The following LDLRAD3 variants were observed in gnomAD, a reference collection of about 807,000 sequenced individuals.
LDLRAD3 encodes low-density lipoprotein receptor class A domain-containing protein 3.
In LDLRAD3, 20 loss-of-function variants were observed where a neutral mutation model predicts 29.4. That is an observed-to-expected ratio of 0.68 (90% CI 0.48 to 0.99). The LOEUF (loss-of-function observed/expected upper bound fraction) is 0.99. Among genes scored for constraint, LDLRAD3 ranks in the 50% least tolerant of loss-of-function variants. The probability of loss-of-function intolerance (pLI) is 0.00; values close to 1 mark genes in which losing one functional copy is unlikely to be tolerated. For missense variants in LDLRAD3, 420 were observed against 454.3 expected (o/e 0.92, Z 0.69); for synonymous variants, 157 against 192.7 (o/e 0.81, Z 1.53).
intron 2 of LDLRAD3, among the ~76,000 whole-genome samples, chr11:36,043,324 A>C (rs917922013): frequency 3.3e-5 from 5 of 152,178 alleles, no homozygotes; most frequent in Non-Finnish European, 7.3e-5. Flanking sequence ...AACAAACCCC[A>C]AAAATTATTA....
chr11:36,224,933 G>A (rs1441093389), intron 4 of LDLRAD3, among the ~76,000 whole-genome samples: 1 of 152,140 alleles, frequency 6.6e-6, no homozygotes, highest in Non-Finnish European at 1.5e-5. Context: ...TTGCTTATCT[G>A]AAAAATAGCA....
At chr11:35,998,399 G>GAT (rs1163544829) in intron 1 of LDLRAD3, among the ~76,000 whole-genome samples, 1 of 152,156 alleles carries the variant, frequency 6.6e-6, no homozygotes, top group Non-Finnish European at 1.5e-5. Context: ...TTTAATTCTA[G>GAT]ATTGATTCTC....
chr11:36,144,479 G>A (rs1854140145), intron 4 of LDLRAD3, among the ~76,000 whole-genome samples: 1 of 150,988 alleles, frequency 6.6e-6, no homozygotes, highest in African/African-American at 2.4e-5. Flanking sequence ...CATCTAGGAA[G>A]TGAGGAGCGT....
chr11:36,133,215 T>TTTTTTTTA (rs1554967263), intron 4 of LDLRAD3, among the ~76,000 whole-genome samples: 3 of 151,542 alleles, frequency 2.0e-5, no homozygotes, highest in African/African-American at 2.4e-5. Flanking sequence ...TTCTTTTTTT[T>TTTTTTTTA]AGTTGAGATG....
chr11:36,191,576 C>CTCTCTA (rs377747518), intron 4 of LDLRAD3, among the ~76,000 whole-genome samples: 303 of 53,298 alleles, frequency 5.7e-3, no homozygotes, highest in East Asian at 6.9e-3. Context: ...CTCTCTCTCT[C>CTCTCTA]TATATATATA....
At chr11:36,080,352 G>C (rs1853094820) in intron 2 of LDLRAD3, among the ~76,000 whole-genome samples, 1 of 152,230 alleles carries the variant, frequency 6.6e-6, no homozygotes, top group East Asian at 1.9e-4. Flanking sequence ...TTAAGCCCAA[G>C]TTACAGCAGT....
chr11:36,165,603 C>G (rs1854501882), intron 4 of LDLRAD3, among the ~76,000 whole-genome samples: 1 of 152,106 alleles, frequency 6.6e-6, no homozygotes, highest in Admixed American at 6.6e-5. Flanking sequence ...CAGCTCCCTT[C>G]TAAGTGTTGA....
At chr11:36,042,684 A>G (rs1422577288) in intron 2 of LDLRAD3, among the ~76,000 whole-genome samples, 1 of 152,232 alleles carries the variant, frequency 6.6e-6, no homozygotes, top group East Asian at 1.9e-4. Flanking sequence ...CCAAGTAAAA[A>G]TGAAGTTGTT....
intron 2 of LDLRAD3, among the ~76,000 whole-genome samples, chr11:36,063,742 C>T (rs1208586330): frequency 6.6e-6 from 1 of 152,194 alleles, no homozygotes; most frequent in Non-Finnish European, 1.5e-5. Context: ...TGTTTCTAGA[C>T]ACTCAATTTT....
At chr11:36,044,820 T>C (rs1852426501) in intron 2 of LDLRAD3, among the ~76,000 whole-genome samples, 1 of 152,244 alleles carries the variant, frequency 6.6e-6, no homozygotes, top group Non-Finnish European at 1.5e-5. Flanking sequence ...ACCTATGTCT[T>C]AATGGACCTG....
intron 1 of LDLRAD3, among the ~76,000 whole-genome samples, chr11:35,953,438 G>A (rs1389583006): frequency 1.3e-5 from 2 of 152,132 alleles, no homozygotes; most frequent in Admixed American, 6.5e-5. Context: ...AAGCATAAAG[G>A]GTGTTTAATT....
At chr11:36,199,585 A>ACACACACACACACG (rs771281624) in intron 4 of LDLRAD3, among the ~76,000 whole-genome samples, 3 of 150,470 alleles carry the variant, frequency 2.0e-5, no homozygotes, top group Admixed American at 2.0e-4. Flanking sequence ...ACACACACAC[A>ACACACACACACACG]CACGCACGCA....
At chr11:36,209,962 A>G (rs1170981557) in intron 4 of LDLRAD3, among the ~76,000 whole-genome samples, 2 of 152,256 alleles carry the variant, frequency 1.3e-5, no homozygotes, top group Non-Finnish European at 2.9e-5. Flanking sequence ...GGGGAGGGGA[A>G]GCCCATGGCT....
rs1215679366 is a variant in LDLRAD3, at chr11:36,213,657, C to G, written c.455-13428C>G. Reference sequence around the variant, plus strand: ...ATGGGACCCCCAGGGCCGCTCCCACCCTGGGAGTGCCATTGGGGTCAGGCC... The same window carrying G: ...ATGGGACCCCCAGGGCCGCTCCCACGCTGGGAGTGCCATTGGGGTCAGGCC... On this transcript the variant is annotated intron_variant, in intron 4 of 5. Coordinates refer to ENST00000315571, the MANE Select transcript of LDLRAD3 (RefSeq NM_174902.4). The surrounding 1 kb of genome is among the most constrained non-coding windows in gnomAD (Gnocchi z 4.1). 6.6e-6 allele frequency among the ~76,000 whole-genome samples: 1 copy of G among 152,174 alleles called. No homozygotes were observed. Among genetic ancestry groups the G allele is most frequent in the Non-Finnish European group, 1.5e-5 (1 of 68,034 alleles).
intron 2 of LDLRAD3, among the ~76,000 whole-genome samples, chr11:36,079,330 G>C (rs1008089151): frequency 2.0e-5 from 3 of 152,220 alleles, no homozygotes. Flanking sequence ...GTCAGCCCAA[G>C]GATCAGTTTT....
chr11:36,152,767 A>C (rs1032390149), intron 4 of LDLRAD3, among the ~76,000 whole-genome samples: 11 of 152,206 alleles, frequency 7.2e-5, no homozygotes, highest in African/African-American at 2.7e-4. Flanking sequence ...GGTTTCCCCC[A>C]GACTTTACTC....
intron 4 of LDLRAD3, among the ~76,000 whole-genome samples, chr11:36,209,461 G>A (rs1279549052): frequency 1.4e-5 from 2 of 147,336 alleles, no homozygotes; most frequent in East Asian, 4.1e-4. Flanking sequence ...CCGGGTTCAA[G>A]CAATTCTCTT....
At chr11:35,985,027 C>T (rs11033363) in intron 1 of LDLRAD3, among the ~76,000 whole-genome samples, 54,533 of 150,672 alleles carry the variant, frequency 0.36, 10,223 homozygotes, top group East Asian at 0.56. Flanking sequence ...TGGGCTCAAG[C>T]GATTCTCCCA....
At chr11:36,004,144 C>A (rs959599642) in intron 1 of LDLRAD3, among the ~76,000 whole-genome samples, 1 of 152,194 alleles carries the variant, frequency 6.6e-6, no homozygotes, top group African/African-American at 2.4e-5. Context: ...TCTCAACAGT[C>A]CCCTAGTCTT....
Sources: allele counts gnomAD v4.1 joint callset (sites outside exome capture counted in the v4.1 genomes callset), GRCh38; gene constraint gnomAD v4.1.1; non-coding constraint Gnocchi (gnomAD v3.1); transcripts MANE v1.5; gene names NCBI Gene and HGNC (gene_info 2026-07-23, HGNC 2026-07-21).